The following TJAP1 variants were observed in gnomAD, a reference collection of about 807,000 sequenced individuals.
TJAP1 encodes the protein tight junction associated protein 1.
Under a neutral mutation model 42.0 loss-of-function variants are expected in TJAP1, and 27 were observed. The ratio of observed to expected loss-of-function variants is 0.64; its 90% confidence interval spans 0.47 to 0.89. The LOEUF is 0.89. Among genes scored for constraint, TJAP1 ranks in the 40% least tolerant of loss-of-function variants. TJAP1 has a pLI of 0.00. For missense variants in TJAP1, 712 were observed against 726.9 expected, an observed-to-expected ratio of 0.98 and a Z score of 0.24; for synonymous variants, 257 against 288.4, an observed-to-expected ratio of 0.89 and a Z score of 1.10.
chr6:43,480,500 T>C (rs966316831), intron 2 of TJAP1, among the ~76,000 whole-genome samples: 3 of 152,190 alleles, frequency 2.0e-5, no homozygotes, highest in African/African-American at 7.2e-5. Flanking sequence ...GGGCTTTTCA[T>C]GTATTAACTA....
chr6:43,480,809 C>T (rs553096249), intron 2 of TJAP1, among the ~76,000 whole-genome samples: 5 of 152,274 alleles, frequency 3.3e-5, no homozygotes, highest in African/African-American at 1.2e-4. Flanking sequence ...AGCCACCGTG[C>T]CTGGCCAATT....
chr6:43,495,231 C>T lies in TJAP1; in HGVS notation c.-121-2650C>T, dbSNP rs552904666. Among the ~76,000 whole-genome samples the T allele has an allele frequency of 3.3e-5, 5 of 152,342 alleles. No individual in the cohort carries two copies. The highest frequency in any genetic ancestry group is 4.1e-4 in the South Asian group (2 of 4,832). ...CTCCCAGCTTGCAGGCCAAGTGTCCCGATGCTTCTCTCTTTGTTATCCACT... is the reference window on the plus strand; with the variant it reads ...CTCCCAGCTTGCAGGCCAAGTGTCCTGATGCTTCTCTCTTTGTTATCCACT... On this transcript the variant is annotated intron_variant, in intron 2 of 10. Coordinates refer to ENST00000372449, the Ensembl canonical transcript of TJAP1. The surrounding 1 kb of genome is among the most constrained non-coding windows in gnomAD (Gnocchi z 4.6).
intron 8 of TJAP1, chr6:43,503,128 CTGGAACCTCAGGGG>C (rs1444978325): frequency 1.8e-5 from 9 of 512,950 alleles, no homozygotes; most frequent in Non-Finnish European, 2.8e-5. Context: ...CCCAGAGCCC[CTGGAACCTCAGGGG>C]ATGGACAGCT....
At chr6:43,487,055 C>G (rs910677390) in intron 2 of TJAP1, among the ~76,000 whole-genome samples, 1 of 152,272 alleles carries the variant, frequency 6.6e-6, no homozygotes, top group African/African-American at 2.4e-5. Flanking sequence ...TGTTGGATAT[C>G]TTAGGCTTCA....
At chr6:43,485,240 A>G (rs1370131051) in intron 2 of TJAP1, among the ~76,000 whole-genome samples, 1 of 152,214 alleles carries the variant, frequency 6.6e-6, no homozygotes, top group African/African-American at 2.4e-5. Flanking sequence ...GATGGAACAC[A>G]TCCAGGCATT....
chr6:43,499,013 C>T (rs566057688), exon 4 of TJAP1: 104 of 1,613,928 alleles, frequency 6.4e-5, no homozygotes, highest in East Asian at 2.9e-4. Context: ...TGACTAGTGC[C>T]GCCCCTGCTA....
exon 7 of TJAP1, chr6:43,502,310 G>A: frequency 6.2e-7 from 1 of 1,613,868 alleles, no homozygotes; most frequent in East Asian, 2.2e-5. Context: ...CGGCTTCCCA[G>A]CGGACCAACC....
At chr6:43,506,176 T>C (rs1304642339) in exon 11 of TJAP1, 1 of 271,786 alleles carries the variant, frequency 3.7e-6, no homozygotes, top group Non-Finnish European at 6.9e-6. Flanking sequence ...GCTGAGGAGT[T>C]TATCAGTATT....
At chr6:43,502,216 G>A in intron 6 of TJAP1, 67 bp from the exon 7 acceptor site, 3 of 1,538,424 alleles carry the variant, frequency 2.0e-6, no homozygotes, top group Non-Finnish European at 2.7e-6. Context: ...CCCTATCGGG[G>A]AGGCTGAACA....
chr6:43,505,459 T>C lies in TJAP1; in HGVS notation c.1278T>C (p.Ala426=). ...TTGTGGACCGTACTCCACCACCTGC[T>C]GCTGTGGCCCAGCGCACAGCCTTTG... is the stretch of plus-strand genomic sequence containing the variant. Residue 426 remains alanine, a synonymous_variant, in exon 11 of 11, where the codon GCT becomes GCC. Transcript: ENST00000372449. The surrounding 1 kb of genome is among the most constrained non-coding windows in gnomAD (Gnocchi z 5.5). 6.2e-7 allele frequency: 1 copy of C among 1,613,538 alleles called. No homozygotes were observed. The highest frequency in any genetic ancestry group is 8.5e-7 in the Non-Finnish European group (1 of 1,180,010).
chr6:43,482,354 C>T (rs1022685794), intron 2 of TJAP1, among the ~76,000 whole-genome samples: 2 of 152,244 alleles, frequency 1.3e-5, no homozygotes, highest in Non-Finnish European at 1.5e-5. Context: ...CCTTCACTTC[C>T]TTCTCACCAC....
rs1474087619 is a variant in TJAP1, at chr6:43,491,649, C to A, written c.-121-6232C>A. On this transcript the variant is annotated intron_variant, in intron 2 of 10. Coordinates refer to ENST00000372449, the Ensembl canonical transcript of TJAP1. This position sits in a 1 kb window ranked among gnomAD's most constrained non-coding sequence, Gnocchi z 4.6. ...CCAATAAATGAATATATGTACTATG[C>A]AATATTAAGGATTTATAGTACTGAT... 4.0e-5 allele frequency among the ~76,000 whole-genome samples: 6 copies of A among 151,838 alleles called. No homozygotes were observed. The highest frequency in any genetic ancestry group is 8.8e-5 in the Non-Finnish European group (6 of 68,002).
At chr6:43,499,273 C>A in intron 4 of TJAP1, 173 bp downstream of exon 4, 1 of 901,466 alleles carries the variant, frequency 1.1e-6, no homozygotes, top group Non-Finnish European at 1.7e-6. Context: ...GTAATGTAGG[C>A]TCAAGGGGGA....
chr6:43,503,124 G>A, intron 8 of TJAP1: 1 of 507,062 alleles, frequency 2.0e-6, no homozygotes, highest in Non-Finnish European at 3.6e-6. Flanking sequence ...GGTGCCCAGA[G>A]CCCCTGGAAC....
At chr6:43,479,936 C>T (rs1447658623) in intron 2 of TJAP1, among the ~76,000 whole-genome samples, 12 of 151,942 alleles carry the variant, frequency 7.9e-5, no homozygotes, top group Admixed American at 6.6e-4. Context: ...CACCACTGCA[C>T]TCCAGTCAGG....
chr6:43,499,035 C>T (rs779373071), exon 4 of TJAP1: 132 of 1,614,020 alleles, frequency 8.2e-5, no homozygotes, highest in Non-Finnish European at 1.1e-4. Flanking sequence ...GAAACCCTAC[C>T]GTAAGGCACC....
intron 2 of TJAP1, among the ~76,000 whole-genome samples, chr6:43,479,374 T>A (rs114999114): frequency 1.3e-5 from 2 of 152,388 alleles, no homozygotes; most frequent in African/African-American, 4.8e-5. Context: ...ACTGATGATA[T>A]GTAGCTGTGA....
chr6:43,502,279 T>C lies in TJAP1; in HGVS notation c.291-4T>C. 6.2e-7 allele frequency: 1 copy of C among 1,614,020 alleles called. No individual in the cohort carries two copies. Among genetic ancestry groups the C allele is most frequent in the African/African-American group, 1.3e-5 (1 of 75,038 alleles). The stretch of plus-strand genomic sequence containing the variant: ...GGGATGTGCCTTGTATTATCCCTTT[T>C]CAGGCTGCAGAACAGCTACACGGCT... On this transcript the variant is annotated splice_region_variant and splice_polypyrimidine_tract_variant and intron_variant, in intron 6 of 10. Transcript: ENST00000372449.
At chr6:43,499,547 C>T (rs1392710951) in intron 4 of TJAP1, among the ~76,000 whole-genome samples, 2 of 152,250 alleles carry the variant, frequency 1.3e-5, no homozygotes, top group Admixed American at 6.5e-5. Flanking sequence ...TCCAGCCCTT[C>T]CTCCAGCTTT....
Sources: gnomAD v4.1 joint callset for allele counts (sites outside exome capture counted in the v4.1 genomes callset) on GRCh38, gnomAD v4.1.1 for gene constraint, Gnocchi (gnomAD v3.1) non-coding constraint, MANE v1.5 for transcripts, NCBI Gene and HGNC (gene_info 2026-07-23, HGNC 2026-07-21) for gene names.